ARHGAP24: variants seen among roughly 807,000 people sequenced by gnomAD.
The protein encoded by ARHGAP24 is rho GTPase-activating protein 24.
ARHGAP24 carries 50 observed loss-of-function variants against 76.4 expected under a neutral mutation model. The observed-to-expected ratio is 0.65, with a 90% CI of 0.52 to 0.83. The LOEUF is 0.83. ARHGAP24 is among the 40% of genes least tolerant of loss of function. The probability of loss-of-function intolerance (pLI) is 0.00; values close to 1 mark genes in which losing one functional copy is unlikely to be tolerated. For missense variants in ARHGAP24, 930 were observed against 914.2 expected (o/e 1.02, Z -0.22); for synonymous variants, 345 against 323.3 (o/e 1.07, Z -0.72).
At position 85,748,050 on chromosome 4, in the gene ARHGAP24, C is replaced by A. The variant is rs539158856; in HGVS notation, c.268+26078C>A. Among the ~76,000 whole-genome samples, 260 of 152,318 alleles carry A rather than the reference C, an allele frequency of 1.7e-3. 2 individuals carry two copies. Among genetic ancestry groups the A allele is most frequent in the Admixed American group, 3.0e-3 (46 of 15,302 alleles). On this transcript the variant is annotated intron_variant, in intron 3 of 9. Transcript: ENST00000395184. The stretch of plus-strand genomic sequence containing the variant: ...GAAGTAGTTTCTTAGTTGACAGATA[C>A]AAAATACACAGCAATACTGCCCTCT...
At chr4:85,649,969 C>T (rs926373450) in intron 2 of ARHGAP24, among the ~76,000 whole-genome samples, 1 of 152,048 alleles carries the variant, frequency 6.6e-6, no homozygotes, top group Admixed American at 6.6e-5. Flanking sequence ...TAAGGTCATA[C>T]GGGTAGCAAT....
chr4:85,793,134 A>T (rs951566717), intron 3 of ARHGAP24, among the ~76,000 whole-genome samples: 2 of 152,154 alleles, frequency 1.3e-5, no homozygotes, highest in Non-Finnish European at 2.9e-5. Flanking sequence ...CACACCATTC[A>T]CTACCCTCTA....
chr4:85,691,847 A>G (rs1248445669), intron 2 of ARHGAP24, among the ~76,000 whole-genome samples: 2 of 152,148 alleles, frequency 1.3e-5, no homozygotes, highest in South Asian at 2.1e-4. Flanking sequence ...TTTCAGGGTT[A>G]GTATTTATAT....
intron 2 of ARHGAP24, among the ~76,000 whole-genome samples, chr4:85,609,003 T>C (rs1411222720): frequency 6.6e-6 from 1 of 152,192 alleles, no homozygotes; most frequent in African/African-American, 2.4e-5. Context: ...CTTAGCCTTT[T>C]TGTGACTCTG....
intron 1 of ARHGAP24, among the ~76,000 whole-genome samples, chr4:85,510,536 T>G (rs1560514097): frequency 7.1e-6 from 1 of 140,344 alleles, no homozygotes; most frequent in African/African-American, 2.7e-5. Flanking sequence ...CCAACCCCTT[T>G]CCCTCTCTTG....
chr4:85,575,314 A>T (rs992995549), intron 2 of ARHGAP24, among the ~76,000 whole-genome samples: 16 of 152,214 alleles, frequency 1.1e-4, no homozygotes, highest in African/African-American at 3.9e-4. Flanking sequence ...TTGAAAGTAC[A>T]TTAATACATC....
At chr4:85,837,211 A>G (rs1279043766) in intron 3 of ARHGAP24, among the ~76,000 whole-genome samples, 1 of 152,148 alleles carries the variant, frequency 6.6e-6, no homozygotes, top group African/African-American at 2.4e-5. Context: ...CTTTTTTCCT[A>G]CACTTGCTTT....
At chr4:85,940,817 G>C (rs1041934396) in intron 4 of ARHGAP24, among the ~76,000 whole-genome samples, 12 of 152,114 alleles carry the variant, frequency 7.9e-5, no homozygotes, top group Non-Finnish European at 1.6e-4. Context: ...TTGATACCAG[G>C]TGTAGAATAG....
At chr4:85,669,328 G>T (rs1431090489) in intron 2 of ARHGAP24, among the ~76,000 whole-genome samples, 2 of 151,908 alleles carry the variant, frequency 1.3e-5, no homozygotes, top group East Asian at 3.9e-4. Context: ...AGGTTTCAGG[G>T]TCATACTTTC....
At chr4:85,737,271 C>T (rs1222346929) in intron 3 of ARHGAP24, among the ~76,000 whole-genome samples, 2 of 152,080 alleles carry the variant, frequency 1.3e-5, no homozygotes, top group East Asian at 3.9e-4. Flanking sequence ...CTGTTCAGCC[C>T]TTTGTTAACC....
intron 3 of ARHGAP24, among the ~76,000 whole-genome samples, chr4:85,809,486 A>C (rs1352940911): frequency 6.6e-6 from 1 of 152,226 alleles, no homozygotes; most frequent in Non-Finnish European, 1.5e-5. Context: ...CAAGGCATAG[A>C]CACTTCCAAA....
chr4:85,615,809 C>G (rs755876056), intron 2 of ARHGAP24, among the ~76,000 whole-genome samples: 8 of 152,108 alleles, frequency 5.3e-5, no homozygotes, highest in Admixed American at 2.0e-4. Flanking sequence ...GTTTTTCAAT[C>G]AATAAGTTTT....
At chr4:85,789,880 G>C (rs896584599) in intron 3 of ARHGAP24, among the ~76,000 whole-genome samples, 2 of 152,090 alleles carry the variant, frequency 1.3e-5, no homozygotes, top group African/African-American at 2.4e-5. Context: ...TTGGATTTTT[G>C]TATCTCCTTG....
At chr4:85,966,231 C>A (rs573057183) in intron 5 of ARHGAP24, among the ~76,000 whole-genome samples, 12 of 152,242 alleles carry the variant, frequency 7.9e-5, no homozygotes, top group Admixed American at 7.9e-4. Flanking sequence ...ACCCTAATTA[C>A]CTCCCAGAGC....
intron 1 of ARHGAP24, among the ~76,000 whole-genome samples, chr4:85,520,068 T>G (rs2110110483): frequency 6.6e-6 from 1 of 152,308 alleles, no homozygotes; most frequent in African/African-American, 2.4e-5. Context: ...TTTAAAAAAA[T>G]AATTAATGAA....
At chr4:85,675,279 A>G (rs1214350432) in intron 2 of ARHGAP24, among the ~76,000 whole-genome samples, 1 of 152,158 alleles carries the variant, frequency 6.6e-6, no homozygotes. Context: ...TCCTTCATGG[A>G]AGTCAGGCAA....
chr4:85,602,569 C>T lies in ARHGAP24; in HGVS notation c.180+31848C>T, dbSNP rs1204233636. On this transcript the variant is annotated intron_variant, in intron 2 of 9. Coordinates refer to ENST00000395184, the MANE Select transcript of ARHGAP24 (RefSeq NM_001025616.3). ...CTCCTCTCCACCTATTGCAATACCA[C>T]CTTTTAAACTCAGGTAATTCATATA... Among the ~76,000 whole-genome samples the T allele has an allele frequency of 2.0e-5, 3 of 152,092 alleles. 1 individual carries two copies. The East Asian group carries it at 5.8e-4, about 29-fold the overall frequency.
intron 3 of ARHGAP24, among the ~76,000 whole-genome samples, chr4:85,888,415 A>AAAAAG (rs1733695024): frequency 6.6e-6 from 1 of 151,088 alleles, no homozygotes; most frequent in Non-Finnish European, 1.5e-5. Flanking sequence ...AAAAAAAAAA[A>AAAAAG]AAAGAAAGAA....
chr4:85,625,561 G>A (rs1245534204), intron 2 of ARHGAP24, among the ~76,000 whole-genome samples: 1 of 152,128 alleles, frequency 6.6e-6, no homozygotes. Flanking sequence ...GATTTAGGGT[G>A]GACAGTTCTG....
Sources: allele counts gnomAD v4.1 joint callset (sites outside exome capture counted in the v4.1 genomes callset), GRCh38; gene constraint gnomAD v4.1.1; transcripts MANE v1.5; gene names NCBI Gene and HGNC (gene_info 2026-07-23, HGNC 2026-07-21).